The following OPRM1 variants were observed in gnomAD, a reference collection of about 807,000 sequenced individuals.
OPRM1 encodes opioid receptor mu 1.
A neutral mutation model predicts 31.8 loss-of-function variants in OPRM1; 27 were observed. The ratio of observed to expected loss-of-function variants is 0.85; its 90% CI spans 0.63 to 1.17. The LOEUF (loss-of-function observed/expected upper bound fraction) is 1.17, where lower values mean the gene tolerates loss of function less well. OPRM1 is among the 50% of genes most tolerant of loss of function. The probability of loss-of-function intolerance (pLI) is 0.00; values close to 1 mark genes in which losing one functional copy is unlikely to be tolerated. For missense variants in OPRM1, 536 were observed against 511.1 expected (o/e 1.05, Z -0.47); for synonymous variants, 196 against 189.9 (o/e 1.03, Z -0.26).
intron 1 of OPRM1, among the ~76,000 whole-genome samples, chr6:154,056,023 T>C (rs757484969): frequency 1.3e-5 from 2 of 152,244 alleles, no homozygotes; most frequent in Non-Finnish European, 2.9e-5. Flanking sequence ...TCTAATTTCA[T>C]CCCTATAAAG....
At position 154,234,315 on chromosome 6, in the gene OPRM1, T is replaced by C. The variant is rs1476449830; in HGVS notation, c.1165-12378T>C. 3.3e-5 allele frequency among the ~76,000 whole-genome samples: 5 copies of C among 152,220 alleles called. No homozygotes were observed. In the East Asian group the frequency reaches 9.6e-4, roughly 29 times the overall value. On this transcript the variant is annotated intron_variant, in intron 3 of 3. Transcript: ENST00000337049. ...AGGGTTCCCCAGAAGGATGAAGCTT[T>C]GGTTACCCACAGTCACACCCTGCTT...
At chr6:154,059,162 G>A (rs1037798244) in intron 1 of OPRM1, among the ~76,000 whole-genome samples, 5 of 152,224 alleles carry the variant, frequency 3.3e-5, no homozygotes, top group South Asian at 4.1e-4. Flanking sequence ...TGTGGAAATC[G>A]GAATGAAGGA....
downstream of OPRM1, among the ~76,000 whole-genome samples, chr6:154,134,266 AGAG>A (rs1798000495): frequency 2.0e-5 from 3 of 152,252 alleles, no homozygotes; most frequent in South Asian, 6.2e-4. Context: ...ACCCCAAAGC[AGAG>A]GAGAAGTTGT....
chr6:154,229,012 A>G (rs868203635), intron 3 of OPRM1, among the ~76,000 whole-genome samples: 22 of 152,210 alleles, frequency 1.4e-4, no homozygotes, highest in Non-Finnish European at 3.1e-4. Context: ...CCAGGATTCA[A>G]CTTAGGTGTG....
At chr6:154,101,476 A>G (rs648007) in intron 3 of OPRM1, among the ~76,000 whole-genome samples, 98,448 of 152,064 alleles carry the variant, frequency 0.65, 32,414 homozygotes, top group East Asian at 0.9. Context: ...TGCATATACT[A>G]TAATAACTGA....
At chr6:154,104,376 AC>A (rs1795289463) in intron 3 of OPRM1, among the ~76,000 whole-genome samples, 1 of 152,254 alleles carries the variant, frequency 6.6e-6, no homozygotes. Flanking sequence ...TTCCAAGTAA[AC>A]TAAATTAGAA....
At chr6:154,190,559 G>A (rs2128580132) in intron 3 of OPRM1, among the ~76,000 whole-genome samples, 1 of 152,264 alleles carries the variant, frequency 6.6e-6, no homozygotes, top group Non-Finnish European at 1.5e-5. Context: ...CATTGATGGT[G>A]GGAATGCAAA....
chr6:154,171,992 T>C (rs1055710878), intron 3 of OPRM1, among the ~76,000 whole-genome samples: 4 of 152,320 alleles, frequency 2.6e-5, no homozygotes, highest in African/African-American at 9.6e-5. Flanking sequence ...AACAAGAGTA[T>C]GACAAAGATA....
rs141147015 is a variant in OPRM1 at position 154,049,286 on chromosome 6, A to C, written c.290+9452A>C. Reference sequence around the variant, plus strand: ...AACAGTGAAGTCACCACCACCACCAACAACAACAACAAAAAAACACAGAAA... The same window carrying C: ...AACAGTGAAGTCACCACCACCACCACCAACAACAACAAAAAAACACAGAAA... On this transcript the variant is annotated intron_variant, in intron 1 of 3. Transcript: ENST00000330432. 7.9e-3 allele frequency among the ~76,000 whole-genome samples: 1,206 copies of C among 152,000 alleles called. 16 individuals are homozygous for C. Among genetic ancestry groups the C allele is most frequent in the Middle Eastern group, 0.034 (10 of 294 alleles).
At chr6:154,169,363 A>T (rs1038373802) in intron 3 of OPRM1, among the ~76,000 whole-genome samples, 1 of 152,176 alleles carries the variant, frequency 6.6e-6, no homozygotes, top group African/African-American at 2.4e-5. Context: ...TCTGTCACAC[A>T]CACACACACA....
At chr6:154,036,233 A>G (rs1032848319), upstream of OPRM1, among the ~76,000 whole-genome samples, 8 of 152,216 alleles carry the variant, frequency 5.3e-5, no homozygotes, top group South Asian at 1.4e-3. Context: ...AAGACTGTCA[A>G]TATATTTGAA....
downstream of OPRM1, among the ~76,000 whole-genome samples, chr6:154,133,357 G>T (rs972393567): frequency 4.5e-4 from 68 of 152,226 alleles, no homozygotes; most frequent in Non-Finnish European, 8.5e-4. Flanking sequence ...AACGATTAAA[G>T]TCCGATCCCT....
intron 1 of OPRM1, among the ~76,000 whole-genome samples, chr6:154,074,784 G>GA (rs1032690862): frequency 1.1e-3 from 170 of 149,348 alleles, no homozygotes; most frequent in South Asian, 4.9e-3. Context: ...AAAACAAACA[G>GA]AAAAAAAAGA....
At chr6:154,236,826 A>C (rs190278587) in intron 3 of OPRM1, among the ~76,000 whole-genome samples, 1 of 152,270 alleles carries the variant, frequency 6.6e-6, no homozygotes, top group East Asian at 1.9e-4. Context: ...GTAGAATTAA[A>C]ATTGGGTGCG....
chr6:154,179,982 G>C (rs1459044345), intron 3 of OPRM1, among the ~76,000 whole-genome samples: 1 of 152,126 alleles, frequency 6.6e-6, no homozygotes, highest in Admixed American at 6.6e-5. Flanking sequence ...CATACTTTGA[G>C]TAGCAAGGCC....
intron 1 of OPRM1, among the ~76,000 whole-genome samples, chr6:154,033,083 A>G (rs1779101032): frequency 6.6e-6 from 1 of 152,232 alleles, no homozygotes. Flanking sequence ...GGAAAACATC[A>G]ACATTTAAAA....
chr6:154,066,406 T>G (rs916122311), intron 1 of OPRM1, among the ~76,000 whole-genome samples: 4 of 152,104 alleles, frequency 2.6e-5, no homozygotes, highest in African/African-American at 9.7e-5. Flanking sequence ...CCAGGGCTTT[T>G]GTTTATTGGG....
At chr6:154,134,401 G>T (rs956927665), downstream of OPRM1, among the ~76,000 whole-genome samples, 1 of 152,160 alleles carries the variant, frequency 6.6e-6, no homozygotes, top group Non-Finnish European at 1.5e-5. Context: ...GCAGGAGGGT[G>T]CCCTCTCTGA....
intron 1 of OPRM1, among the ~76,000 whole-genome samples, chr6:154,060,150 T>C (rs1784101965): frequency 6.6e-6 from 1 of 152,152 alleles, no homozygotes; most frequent in South Asian, 2.1e-4. Context: ...GGTACAACTT[T>C]ACTCAAGGAT....
Sources: allele counts gnomAD v4.1 joint callset (sites outside exome capture counted in the v4.1 genomes callset), GRCh38; gene constraint gnomAD v4.1.1; transcripts MANE v1.5; gene names NCBI Gene and HGNC (gene_info 2026-07-23, HGNC 2026-07-21).